The following HEMK2 variants were observed in gnomAD, a reference collection of about 807,000 sequenced individuals.
HEMK2 encodes HemK methyltransferase 2, ETF1 glutamine and histone H4 lysine.
the HEMK2 span, among the ~76,000 whole-genome samples, chr21:28,778,880 T>C: frequency 6.6e-6 from 1 of 152,210 alleles, no homozygotes; most frequent in South Asian, 2.1e-4. Flanking sequence ...AGTCTATATA[T>C]TATATTTCCA....
chr21:28,588,584 G>A, the HEMK2 span, among the ~76,000 whole-genome samples: 8 of 152,124 alleles, frequency 5.3e-5, no homozygotes, highest in South Asian at 2.1e-4. Context: ...AAAGTCAGTC[G>A]ATTGATGAAA....
chr21:28,641,237 T>C, the HEMK2 span, among the ~76,000 whole-genome samples: 5 of 152,140 alleles, frequency 3.3e-5, no homozygotes, highest in African/African-American at 9.7e-5. Flanking sequence ...CAGGGGAAAG[T>C]ACAGTTTTCA....
the HEMK2 span, among the ~76,000 whole-genome samples, chr21:28,882,621 A>AC: frequency 1.3e-5 from 2 of 151,910 alleles, no homozygotes. Context: ...ATGAAAAAAA[A>AC]CAGAAGGAAA....
chr21:28,658,558 TCTGGTC>T, the HEMK2 span, among the ~76,000 whole-genome samples: 3 of 152,240 alleles, frequency 2.0e-5, no homozygotes, highest in Middle Eastern at 3.4e-3. Context: ...GAGGTTGTAA[TCTGGTC>T]CTGCTATTCT....
chr21:28,683,806 A>G, the HEMK2 span, among the ~76,000 whole-genome samples: 5 of 152,218 alleles, frequency 3.3e-5, no homozygotes, highest in African/African-American at 1.2e-4. Flanking sequence ...ATTTAACATG[A>G]AAAAACACAT....
At chr21:28,744,525 A>G in the HEMK2 span, among the ~76,000 whole-genome samples, 1 of 152,144 alleles carries the variant, frequency 6.6e-6, no homozygotes, top group East Asian at 1.9e-4. Context: ...ATAAGAGGCA[A>G]CTCACTCTAT....
the HEMK2 span, chr21:28,874,252 A>G: frequency 6.6e-6 from 1 of 152,238 alleles, no homozygotes; most frequent in African/African-American, 2.4e-5. Flanking sequence ...GTCATAGATG[A>G]GACATTCTGT....
the HEMK2 span, among the ~76,000 whole-genome samples, chr21:28,815,664 C>A: frequency 6.6e-6 from 1 of 152,088 alleles, no homozygotes; most frequent in African/African-American, 2.4e-5. Context: ...CAATCAGCAT[C>A]TTCAAGCAGG....
the HEMK2 span, among the ~76,000 whole-genome samples, chr21:28,716,602 G>T: frequency 6.6e-6 from 1 of 152,032 alleles, no homozygotes; most frequent in African/African-American, 2.4e-5. Flanking sequence ...CATCCTATAT[G>T]GATGCTTCTT....
At chr21:28,779,402 G>A in the HEMK2 span, among the ~76,000 whole-genome samples, 1 of 152,090 alleles carries the variant, frequency 6.6e-6, no homozygotes, top group African/African-American at 2.4e-5. Flanking sequence ...CTTACATGAG[G>A]GATTTTAAAA....
the HEMK2 span, among the ~76,000 whole-genome samples, chr21:28,583,028 T>A: frequency 2.0e-5 from 3 of 152,218 alleles, no homozygotes; most frequent in African/African-American, 7.2e-5. Flanking sequence ...ATGCTGTTGA[T>A]GACATAGTGA....
the HEMK2 span, among the ~76,000 whole-genome samples, chr21:28,615,023 G>A: frequency 6.6e-6 from 1 of 152,158 alleles, no homozygotes; most frequent in African/African-American, 2.4e-5. Flanking sequence ...TACAGGGACA[G>A]AATTTCTTAA....
the HEMK2 span, among the ~76,000 whole-genome samples, chr21:28,619,168 C>A: frequency 6.6e-6 from 1 of 152,120 alleles, no homozygotes; most frequent in Non-Finnish European, 1.5e-5. Context: ...TCGCAGCCCT[C>A]AGAAGGAAAC....
chr21:28,623,762 T>A, the HEMK2 span, among the ~76,000 whole-genome samples: 1 of 152,104 alleles, frequency 6.6e-6, no homozygotes, highest in Non-Finnish European at 1.5e-5. Context: ...ATGTTCTCAC[T>A]CATGAGTGGG....
chr21:28,826,048 T>C, the HEMK2 span, among the ~76,000 whole-genome samples: 1 of 152,210 alleles, frequency 6.6e-6, no homozygotes, highest in Non-Finnish European at 1.5e-5. Context: ...ATATTGTCTA[T>C]AAATGCTGAA....
chr21:28,624,007 G>A, the HEMK2 span, among the ~76,000 whole-genome samples: 6 of 152,018 alleles, frequency 3.9e-5, no homozygotes, highest in East Asian at 1.9e-4. Flanking sequence ...GCCAATTTGC[G>A]GTGTCAAGCA....
chr21:28,803,017 G>T, the HEMK2 span, among the ~76,000 whole-genome samples: 1 of 152,192 alleles, frequency 6.6e-6, no homozygotes, highest in Non-Finnish European at 1.5e-5. Context: ...CAGCAGCACA[G>T]CATTAAACCA....
chr21:28,642,005 A>G, the HEMK2 span, among the ~76,000 whole-genome samples: 15 of 152,278 alleles, frequency 9.9e-5, no homozygotes, highest in African/African-American at 3.6e-4. Flanking sequence ...AAATGTACAG[A>G]TGGTTCTGAA....
chr21:28,649,774 A>G, the HEMK2 span, among the ~76,000 whole-genome samples: 2 of 152,202 alleles, frequency 1.3e-5, no homozygotes, highest in African/African-American at 4.8e-5. Flanking sequence ...ACAAATGCTA[A>G]GGTTCAGGGG....
Sources: gnomAD v4.1 joint callset for allele counts (sites outside exome capture counted in the v4.1 genomes callset) on GRCh38, gnomAD v4.1.1 for gene constraint, MANE v1.5 for transcripts, NCBI Gene and HGNC (gene_info 2026-07-23, HGNC 2026-07-21) for gene names.